Variants in NEGR1 observed in about 807,000 individuals in gnomAD.
NEGR1 encodes the protein IgLON family member 4.
A neutral mutation model predicts 40.9 loss-of-function variants in NEGR1; 10 were observed. The ratio of observed to expected loss-of-function variants is 0.24; its 90% CI spans 0.15 to 0.42. The LOEUF (loss-of-function observed/expected upper bound fraction) is 0.42, where lower values mean the gene tolerates loss of function less well. Ranked by LOEUF, NEGR1 falls within the 10% of genes least tolerant of loss-of-function variation. NEGR1 has a pLI of 1.00. For missense variants in NEGR1, 352 were observed against 438.9 expected (o/e 0.80, Z 1.77); for synonymous variants, 185 against 166.8 (o/e 1.11, Z -0.84).
At chr1:72,267,906 A>C (rs1266201578) in intron 1 of NEGR1, among the ~76,000 whole-genome samples, 1 of 151,194 alleles carries the variant, frequency 6.6e-6, no homozygotes, top group Non-Finnish European at 1.5e-5. Context: ...AATATGTCAA[A>C]AACTGATGAT....
In NEGR1 at chr1:72,213,244, G is replaced by A. The variant is rs76165858; in HGVS notation, c.176+69075C>T. 1.9e-3 allele frequency among the ~76,000 whole-genome samples: 295 copies of A among 152,058 alleles called. 4 individuals carry two copies. In the East Asian group the frequency reaches 0.05, roughly 26 times the overall value. On this transcript the variant is annotated intron_variant, in intron 1 of 6. Coordinates refer to ENST00000357731, the MANE Select transcript of NEGR1 (RefSeq NM_173808.3). ...AATGCAAGGTGTAATCCGCAGATACGAATGAGGATTAATTCAGTGTTTTAC... is the reference window on the plus strand; with the variant it reads ...AATGCAAGGTGTAATCCGCAGATACAAATGAGGATTAATTCAGTGTTTTAC...
At position 71,863,560 on chromosome 1, in the gene NEGR1, T is replaced by A. The variant is rs186329654; in HGVS notation, c.409+71519A>T. On this transcript the variant is annotated intron_variant, in intron 2 of 6. Transcript: ENST00000357731. ...CCACCATGGCACATGTTTACCTATG[T>A]AACAAAACTGCATATCCTGAACACG... Among the ~76,000 whole-genome samples the A allele has an allele frequency of 6.6e-5, 10 of 152,302 alleles. 1 individual carries two copies. In the East Asian group the frequency reaches 1.9e-3, roughly 29 times the overall value.
chr1:72,154,307 C>T (rs994741907), intron 1 of NEGR1, among the ~76,000 whole-genome samples: 1 of 151,594 alleles, frequency 6.6e-6, no homozygotes, highest in Non-Finnish European at 1.5e-5. Flanking sequence ...AAATCAAGAC[C>T]CCTCCCCAAA....
chr1:71,625,055 T>C (rs1650725662), intron 4 of NEGR1, among the ~76,000 whole-genome samples: 1 of 152,000 alleles, frequency 6.6e-6, no homozygotes, highest in African/African-American at 2.4e-5. Flanking sequence ...CATCAAACTA[T>C]TTGTGTTACA....
chr1:72,082,483 A>G (rs1318259209), intron 1 of NEGR1, among the ~76,000 whole-genome samples: 1 of 152,138 alleles, frequency 6.6e-6, no homozygotes, highest in Non-Finnish European at 1.5e-5. Flanking sequence ...TATTTCTTCA[A>G]CAACAATGCC....
At chr1:72,063,028 T>G (rs1647202127) in intron 1 of NEGR1, among the ~76,000 whole-genome samples, 1 of 151,942 alleles carries the variant, frequency 6.6e-6, no homozygotes, top group African/African-American at 2.4e-5. Context: ...ATATGTTGCA[T>G]TTTTAAAGAA....
chr1:72,019,450 T>A (rs984623646), intron 1 of NEGR1, among the ~76,000 whole-genome samples: 9 of 152,192 alleles, frequency 5.9e-5, no homozygotes, highest in African/African-American at 1.9e-4. Flanking sequence ...AATGCAGCTG[T>A]ACCATATGCC....
At chr1:72,142,212 T>C (rs1035430433) in intron 1 of NEGR1, among the ~76,000 whole-genome samples, 2 of 151,924 alleles carry the variant, frequency 1.3e-5, no homozygotes, top group African/African-American at 4.8e-5. Flanking sequence ...ATTTAATGCT[T>C]CGTTAAGGAG....
chr1:71,643,161 T>TC (rs970441330), intron 4 of NEGR1, among the ~76,000 whole-genome samples: 43 of 151,958 alleles, frequency 2.8e-4, no homozygotes, highest in African/African-American at 1.0e-3. Context: ...ACCACACAAA[T>TC]CCCCAAATAT....
intron 6 of NEGR1, among the ~76,000 whole-genome samples, chr1:71,505,523 C>T (rs528389921): frequency 6.6e-6 from 1 of 152,224 alleles, no homozygotes; most frequent in African/African-American, 2.4e-5. Context: ...CCTCGTGATC[C>T]ACCAGCCTCA....
intron 4 of NEGR1, among the ~76,000 whole-genome samples, chr1:71,624,392 G>A (rs6696052): frequency 0.38 from 56,995 of 151,652 alleles, 11,222 homozygotes; most frequent in East Asian, 0.65. Flanking sequence ...TCAGCACAGT[G>A]GCCATAGTGT....
chr1:72,227,461 T>C (rs1381785316), intron 1 of NEGR1, among the ~76,000 whole-genome samples: 1 of 151,830 alleles, frequency 6.6e-6, no homozygotes, highest in East Asian at 1.9e-4. Context: ...GGGGGAACCA[T>C]TTTGCCTCAA....
chr1:71,946,945 G>A (rs1646024974), intron 1 of NEGR1, among the ~76,000 whole-genome samples: 1 of 151,090 alleles, frequency 6.6e-6, no homozygotes, highest in South Asian at 2.1e-4. Context: ...GCTAGACATG[G>A]TGGTGTGCTC....
rs181518289 is a variant in NEGR1 at position 72,149,666 on chromosome 1, T to C, written c.176+132653A>G. 3.6e-3 allele frequency among the ~76,000 whole-genome samples: 548 copies of C among 151,898 alleles called. 7 individuals are homozygous for C. Among genetic ancestry groups the C allele is most frequent in the East Asian group, 3.3e-3 (17 of 5,144 alleles). Reference sequence around the variant, plus strand: ...GGGAGGCTGAGGTGGGCAGATCACCTGAAGTCGGGAGTTCGAGACCAGACT... The same window carrying C: ...GGGAGGCTGAGGTGGGCAGATCACCCGAAGTCGGGAGTTCGAGACCAGACT... On this transcript the variant is annotated intron_variant, in intron 1 of 6. Coordinates refer to ENST00000357731, the MANE Select transcript of NEGR1 (RefSeq NM_173808.3).
chr1:72,239,918 A>C (rs1654679821), intron 1 of NEGR1, among the ~76,000 whole-genome samples: 1 of 151,834 alleles, frequency 6.6e-6, no homozygotes, highest in African/African-American at 2.4e-5. Context: ...AAATGGTACA[A>C]AGTGTCCTCA....
At chr1:72,114,393 A>G (rs920289584) in intron 1 of NEGR1, among the ~76,000 whole-genome samples, 6 of 151,722 alleles carry the variant, frequency 4.0e-5, no homozygotes, top group Non-Finnish European at 8.8e-5. Flanking sequence ...TGGACTGACC[A>G]AGCCTCCACA....
At chr1:72,091,769 A>C (rs1296059426) in intron 1 of NEGR1, among the ~76,000 whole-genome samples, 1 of 152,164 alleles carries the variant, frequency 6.6e-6, no homozygotes, top group Non-Finnish European at 1.5e-5. Flanking sequence ...CTTAAACAAT[A>C]GAAACTTAAT....
intron 1 of NEGR1, among the ~76,000 whole-genome samples, chr1:72,237,945 T>A (rs982547011): frequency 2.6e-5 from 4 of 151,920 alleles, no homozygotes; most frequent in African/African-American, 9.7e-5. Flanking sequence ...AAAGTTGCAA[T>A]ACAGCAGGAG....
chr1:71,690,499 T>C (rs1653219906), intron 4 of NEGR1, among the ~76,000 whole-genome samples: 1 of 151,314 alleles, frequency 6.6e-6, no homozygotes, highest in South Asian at 2.1e-4. Context: ...TTTGGTCCTT[T>C]GGCTGCTTAT....
Sources: gnomAD v4.1 joint callset for allele counts (sites outside exome capture counted in the v4.1 genomes callset) on GRCh38, gnomAD v4.1.1 for gene constraint, MANE v1.5 for transcripts, NCBI Gene and HGNC (gene_info 2026-07-23, HGNC 2026-07-21) for gene names.